PHACTR2: variants seen among roughly 807,000 people sequenced by gnomAD.
PHACTR2 encodes the protein chromosome 6 open reading frame 56.
In PHACTR2, 30 loss-of-function variants were observed where a neutral mutation model predicts 76.0. That is an observed-to-expected ratio of 0.39 (90% confidence interval 0.30 to 0.54). PHACTR2 has a LOEUF of 0.54. Among genes scored for constraint, PHACTR2 ranks in the 20% least tolerant of loss-of-function variants. The pLI, the probability that PHACTR2 is intolerant of heterozygous loss-of-function variation, is 0.61. For synonymous variants in PHACTR2, 292 were observed against 292.5 expected, an observed-to-expected ratio of 1.00 and a Z score of 0.02; for missense variants, 696 against 781.1, an observed-to-expected ratio of 0.89 and a Z score of 1.30.
Position 143,678,004 on chromosome 6 carries a change from C to G in PHACTR2, c.-160C>G, listed in dbSNP as rs970528151. The G allele has an allele frequency of 4.1e-6, 6 of 1,455,730 alleles. No homozygotes were observed. The highest frequency in any genetic ancestry group is 3.6e-6 in the Non-Finnish European group (4 of 1,101,208). The allele number at this position is 1,455,730 out of a possible 1,614,324, so 90.2% of individuals were successfully genotyped here. On this transcript the variant is annotated 5_prime_UTR_variant, in exon 1 of 13. Transcript: ENST00000440869. This position sits in a 1 kb window ranked among gnomAD's most constrained non-coding sequence, Gnocchi z 6.2. ...ATCCGCCGCGCCGGCTGCGGCCGGCCGGGCTGGGAGACCCGCGCGGGGTAG... is the reference window on the plus strand; with the variant it reads ...ATCCGCCGCGCCGGCTGCGGCCGGCGGGGCTGGGAGACCCGCGCGGGGTAG...
rs935740689 is a variant in PHACTR2 at position 143,537,638 on chromosome 6, G to A, written c.217+431G>A. Reference sequence around the variant, plus strand: ...CGGGCTGGGACCAGGGCAGGTCTTGGGAGGCTTCCCAACTAACTGCTTATG... The same window carrying A: ...CGGGCTGGGACCAGGGCAGGTCTTGAGAGGCTTCCCAACTAACTGCTTATG... On this transcript the variant is annotated intron_variant, in intron 1 of 11. Transcript: ENST00000367584. The surrounding 1 kb of genome is among the most constrained non-coding windows in gnomAD (Gnocchi z 4.4). 6.6e-6 allele frequency among the ~76,000 whole-genome samples: 1 copy of A among 152,190 alleles called. No homozygotes were observed. Among genetic ancestry groups the A allele is most frequent in the Non-Finnish European group, 1.5e-5 (1 of 68,018 alleles).
upstream of PHACTR2, among the ~76,000 whole-genome samples, chr6:143,675,873 GA>G (rs1490738509): frequency 6.6e-6 from 1 of 150,450 alleles, no homozygotes. This position sits in a 1 kb window ranked among gnomAD's most constrained non-coding sequence, Gnocchi z 4.9. Flanking sequence ...CAATTTGGGG[GA>G]AAATTATCTT....
At chr6:143,773,326 T>C (rs898920217) in intron 7 of PHACTR2, among the ~76,000 whole-genome samples, 4 of 152,158 alleles carry the variant, frequency 2.6e-5, no homozygotes, top group Non-Finnish European at 4.4e-5. Context: ...ATTTATGTAT[T>C]AAAAATAATG....
intron 1 of PHACTR2, among the ~76,000 whole-genome samples, chr6:143,705,246 G>A (rs1180028734): frequency 6.6e-6 from 1 of 150,838 alleles, no homozygotes; most frequent in Non-Finnish European, 1.5e-5. Flanking sequence ...AGCCTCCCAA[G>A]TAGCTGAGAT....
intron 1 of PHACTR2, among the ~76,000 whole-genome samples, chr6:143,629,208 T>C (rs911002081): frequency 9.9e-5 from 15 of 151,910 alleles, no homozygotes; most frequent in African/African-American, 3.6e-4. Context: ...ATATTGGTCA[T>C]ATGCCCTCTC....
chr6:143,685,305 A>G (rs900910867), intron 1 of PHACTR2, among the ~76,000 whole-genome samples: 1 of 152,030 alleles, frequency 6.6e-6, no homozygotes, highest in Non-Finnish European at 1.5e-5. Context: ...TGAAAAGGAA[A>G]ATCATAAAGT....
rs1465860561 is a variant in PHACTR2, at chr6:143,537,756, G to T, written c.217+549G>T. On this transcript the variant is annotated intron_variant, in intron 1 of 11. Transcript: ENST00000367584. This position sits in a 1 kb window ranked among gnomAD's most constrained non-coding sequence, Gnocchi z 4.4. ...TGCAAAAACCCATGAGGTTAATGGG[G>T]GAGAGCAGGGGAGAGTTTGGCGGGC... Among the ~76,000 whole-genome samples the T allele has an allele frequency of 6.6e-6, 1 of 152,154 alleles. No homozygotes were observed. Among genetic ancestry groups the T allele is most frequent in the Non-Finnish European group, 1.5e-5 (1 of 68,036 alleles).
Position 143,602,221 on chromosome 6 carries a change from A to G in PHACTR2, c.217+65014A>G, listed in dbSNP as rs1775821254. Among the ~76,000 whole-genome samples, 1 of 152,134 alleles carries G rather than the reference A, an allele frequency of 6.6e-6. No homozygotes were observed. Among genetic ancestry groups the G allele is most frequent in the Admixed American group, 6.5e-5 (1 of 15,268 alleles). On this transcript the variant is annotated intron_variant, in intron 1 of 11. Coordinates refer to the PHACTR2 transcript ENST00000367584. The surrounding 1 kb of genome is among the most constrained non-coding windows in gnomAD (Gnocchi z 6.1). ...GTCCCTCTAACCTTCCCATCTAGTC[A>G]GGTTTTCTAATGACATCTTGAGGAA...
rs1039778486 is a variant in PHACTR2, at chr6:143,571,830, C to A, written c.217+34623C>A. On this transcript the variant is annotated intron_variant, in intron 1 of 11. Coordinates refer to the PHACTR2 transcript ENST00000367584. This position sits in a 1 kb window ranked among gnomAD's most constrained non-coding sequence, Gnocchi z 4.6. ...AGAATCAGTCTTTTCTCCTATGAGCCCTGCTTTCAGTATTATTTTAATGTT... is the reference window on the plus strand; with the variant it reads ...AGAATCAGTCTTTTCTCCTATGAGCACTGCTTTCAGTATTATTTTAATGTT... Among the ~76,000 whole-genome samples the A allele has an allele frequency of 2.6e-5, 4 of 152,100 alleles. No individual in the cohort carries two copies. Among genetic ancestry groups the A allele is most frequent in the Admixed American group, 6.5e-5 (1 of 15,282 alleles).
rs1776160721 is a variant in PHACTR2, at chr6:143,621,842, C to T, written c.13+13520C>T. Among the ~76,000 whole-genome samples, 1 of 152,234 alleles carries T rather than the reference C, an allele frequency of 6.6e-6. No homozygotes were observed. Among genetic ancestry groups the T allele is most frequent in the Non-Finnish European group, 1.5e-5 (1 of 68,044 alleles). ...CCTCTCAGCTACCTCCCAAGGTGAT[C>T]ACTTGGCCCCAGGTCCCCCTGCTCT... On this transcript the variant is annotated intron_variant, in intron 1 of 11. Transcript: ENST00000305766. This position sits in a 1 kb window ranked among gnomAD's most constrained non-coding sequence, Gnocchi z 4.1.
At position 143,775,899 on chromosome 6, in the gene PHACTR2, G is replaced by C. The variant is rs1010232746; in HGVS notation, c.1590-1429G>C. Among the ~76,000 whole-genome samples the C allele has an allele frequency of 1.1e-4, 16 of 152,276 alleles. No individual in the cohort carries two copies. The South Asian group carries it at 3.1e-3, about 30-fold the overall frequency. ...TAATCCCAGCACTTTGGGAGGCCAA[G>C]GCAGGCAGATCACCTGAGGTCAGGA... On this transcript the variant is annotated intron_variant, in intron 8 of 12. Coordinates refer to ENST00000440869, the MANE Select transcript of PHACTR2 (RefSeq NM_001100164.2). This position sits in a 1 kb window ranked among gnomAD's most constrained non-coding sequence, Gnocchi z 4.4.
At chr6:143,717,592 AG>A (rs1043247777) in intron 2 of PHACTR2, among the ~76,000 whole-genome samples, 1 of 151,650 alleles carries the variant, frequency 6.6e-6, no homozygotes, top group African/African-American at 2.4e-5. Flanking sequence ...TGGTGGGGGA[AG>A]GGGGTCTCAT....
chr6:143,551,909 G>A (rs1320743025), intron 1 of PHACTR2, among the ~76,000 whole-genome samples: 1 of 152,090 alleles, frequency 6.6e-6, no homozygotes, highest in South Asian at 2.1e-4. Flanking sequence ...ATTGCCTTGG[G>A]TATCACTGGA....
intron 1 of PHACTR2, among the ~76,000 whole-genome samples, chr6:143,573,370 A>G (rs1167149505): frequency 3.3e-5 from 5 of 152,164 alleles, no homozygotes; most frequent in African/African-American, 1.2e-4. Flanking sequence ...GACTTTCACT[A>G]GGTCTTATGG....
At position 143,697,848 on chromosome 6, in the gene PHACTR2, GCA is replaced by G. The variant is rs111333303; in HGVS notation, c.47-14166_47-14165del. On this transcript the variant is annotated intron_variant, in intron 1 of 12. Transcript: ENST00000440869. This position sits in a 1 kb window ranked among gnomAD's most constrained non-coding sequence, Gnocchi z 4.4. ...TTTGTGGCCTAAGTACAGTATAGGGGCACCACCAGGAATAAAATCAACTTGCT... is the reference window on the plus strand; with the variant it reads ...TTTGTGGCCTAAGTACAGTATAGGGGCCACCAGGAATAAAATCAACTTGCT... 0.024 allele frequency among the ~76,000 whole-genome samples: 3,597 copies of G among 152,202 alleles called. 160 individuals carry two copies. The highest frequency in any genetic ancestry group is 0.081 in the African/African-American group (3,367 of 41,522).
rs1243365954 is a variant in PHACTR2 at position 143,816,191 on chromosome 6, A to C, written c.1923-7483A>C. Among the ~76,000 whole-genome samples the C allele has an allele frequency of 6.6e-6, 1 of 152,236 alleles. No individual in the cohort carries two copies. Among genetic ancestry groups the C allele is most frequent in the East Asian group, 1.9e-4 (1 of 5,198 alleles). On this transcript the variant is annotated intron_variant, in intron 12 of 12. Coordinates refer to ENST00000440869, the MANE Select transcript of PHACTR2 (RefSeq NM_001100164.2). This position sits in a 1 kb window ranked among gnomAD's most constrained non-coding sequence, Gnocchi z 4.5. Reference sequence around the variant, plus strand: ...AGTAAATCTATTTATTCCTCCACCAACTTGAAGCCTAAAGCCAAAACTGTC... The same window carrying C: ...AGTAAATCTATTTATTCCTCCACCACCTTGAAGCCTAAAGCCAAAACTGTC...
rs1775270971 is a variant in PHACTR2 at position 143,776,283 on chromosome 6, T to C, written c.1590-1045T>C. Among the ~76,000 whole-genome samples, 1 of 152,124 alleles carries C rather than the reference T, an allele frequency of 6.6e-6. No individual in the cohort carries two copies. Among genetic ancestry groups the C allele is most frequent in the Admixed American group, 6.5e-5 (1 of 15,270 alleles). On this transcript the variant is annotated intron_variant, in intron 8 of 12. Transcript: ENST00000440869. This position sits in a 1 kb window ranked among gnomAD's most constrained non-coding sequence, Gnocchi z 5.3. ...ATTTGTGGTGAAGAAAAGGTATAAATTGTAGGAAAGATATACTGTTATTAT... is the reference window on the plus strand; with the variant it reads ...ATTTGTGGTGAAGAAAAGGTATAAACTGTAGGAAAGATATACTGTTATTAT...
chr6:143,829,522 G>C lies in PHACTR2; in HGVS notation c.*5833G>C, dbSNP rs568768802. ...GTGAATGCTGCATCATGATGAAAAT[G>C]TGGATTAACTGTGGGTTGCATGCCT... is the stretch of plus-strand genomic sequence containing the variant. On this transcript the variant is annotated 3_prime_UTR_variant, in exon 13 of 13. Coordinates refer to ENST00000440869, the MANE Select transcript of PHACTR2 (RefSeq NM_001100164.2). 1 of 152,336 alleles carries C rather than the reference G, an allele frequency of 6.6e-6. No individual in the cohort carries two copies. The highest frequency in any genetic ancestry group is 2.4e-5 in the African/African-American group (1 of 41,578). The allele number at this position is 152,336 out of a possible 1,614,324, so 9.4% of individuals were successfully genotyped here.
At chr6:143,758,495 A>G (rs1031472922) in intron 4 of PHACTR2, among the ~76,000 whole-genome samples, 6 of 152,218 alleles carry the variant, frequency 3.9e-5, no homozygotes, top group African/African-American at 1.4e-4. Context: ...ATTAAATTTT[A>G]TAGGTGTGTA....
Sources: gnomAD v4.1 joint callset for allele counts (sites outside exome capture counted in the v4.1 genomes callset) on GRCh38, gnomAD v4.1.1 for gene constraint, Gnocchi (gnomAD v3.1) non-coding constraint, MANE v1.5 for transcripts, NCBI Gene and HGNC (gene_info 2026-07-23, HGNC 2026-07-21) for gene names.